Variants in HSF4 observed in about 807,000 individuals in gnomAD.
HSF4 encodes the protein heat shock factor protein 4.
Under a neutral mutation model 52.0 loss-of-function variants are expected in HSF4, and 41 were observed. The observed-to-expected ratio is 0.79, with a 90% CI of 0.61 to 1.02. The LOEUF (loss-of-function observed/expected upper bound fraction) is 1.02. HSF4 is among the 50% of genes least tolerant of loss of function. HSF4 has a pLI of 0.00. For synonymous variants in HSF4, 285 were observed against 273.0 expected, an observed-to-expected ratio of 1.04 and a Z score of -0.43; for missense variants, 610 against 651.1, an observed-to-expected ratio of 0.94 and a Z score of 0.69.
upstream of HSF4, chr16:67,164,382 C>G (rs909444550): frequency 2.4e-6 from 1 of 412,666 alleles, no homozygotes; most frequent in Admixed American, 2.6e-5. Context: ...CCCTGCCCCC[C>G]CTTCCTATCT....
Position 67,169,869 on chromosome 16 carries a change from G to A in HSF4, c.*84G>A, listed in dbSNP as rs2031627530. ...TCCTGGCGCCCCCTATCGGGGGTGA[G>A]CGAAGCCCCCACTACTAAATGGCCT... is the stretch of plus-strand genomic sequence containing the variant. On this transcript the variant is annotated 3_prime_UTR_variant, in exon 13 of 13. Coordinates refer to ENST00000521374, the MANE Select transcript of HSF4 (RefSeq NM_001374675.1). The surrounding 1 kb of genome is among the most constrained non-coding windows in gnomAD (Gnocchi z 4.3). 6.9e-7 allele frequency: 1 copy of A among 1,458,202 alleles called. No homozygotes were observed. Among genetic ancestry groups the A allele is most frequent in the Non-Finnish European group, 9.6e-7 (1 of 1,042,306 alleles). The allele number at this position is 1,458,202 out of a possible 1,614,324, so 90.3% of individuals were successfully genotyped here.
upstream of HSF4, chr16:67,164,586 CCTCCACTCCA>C (rs748286546): frequency 1.7e-5 from 9 of 522,120 alleles, no homozygotes; most frequent in African/African-American, 5.9e-5. Context: ...CCACCCCACC[CCTCCACTCCA>C]CTCCACTCCA....
chr16:67,165,817 G>C lies in HSF4; in HGVS notation c.331G>C (p.Glu111Gln). ...GCACCCGAGCTTCGTGCGCGGCCGCGAGCAGCTACTGGAGCGCGTGCGGCG... is the reference window on the plus strand; with the variant it reads ...GCACCCGAGCTTCGTGCGCGGCCGCCAGCAGCTACTGGAGCGCGTGCGGCG... ...FQHPSFVRGR[E>Q]QLLERVRRKV... The change falls in exon 3 of 13, where the codon GAG becomes CAG. Residue 111 changes from glutamate (E) to glutamine (Q), a missense_variant. By Grantham distance (29) the Glu-to-Gln change is conservative (BLOSUM62 2). Transcript: ENST00000521374. The surrounding 1 kb of genome is among the most constrained non-coding windows in gnomAD (Gnocchi z 6.9). 6.2e-7 allele frequency: 1 copy of C among 1,607,478 alleles called. No homozygotes were observed.
chr16:67,165,906 G>T lies in HSF4; in HGVS notation c.361-40G>T. On this transcript the variant is annotated intron_variant, in intron 3 of 12. Transcript: ENST00000521374. The surrounding 1 kb of genome is among the most constrained non-coding windows in gnomAD (Gnocchi z 6.9). ...GAGGGGTGCTGGGACTGCCTGCCTT[G>T]CTCCTGCGACCCAGTCCCGACGGTG... 6.3e-7 allele frequency: 1 copy of T among 1,592,254 alleles called. No individual in the cohort carries two copies.
chr16:67,169,826 T>C lies in HSF4; in HGVS notation c.*41T>C, dbSNP rs562154482. The C allele has an allele frequency of 3.7e-6, 6 of 1,612,072 alleles. No individual in the cohort carries two copies. In the South Asian group the frequency reaches 4.4e-5, roughly 12 times the overall value. ...AAGGGGCTTGGAACCAGTCCGCCGC[T>C]GCACATCCTTCTTGGCTTCCTGGCG... On this transcript the variant is annotated 3_prime_UTR_variant, in exon 13 of 13. Coordinates refer to ENST00000521374, the MANE Select transcript of HSF4 (RefSeq NM_001374675.1). The surrounding 1 kb of genome is among the most constrained non-coding windows in gnomAD (Gnocchi z 4.3).
Position 67,169,895 on chromosome 16 carries a change from C to T in HSF4, c.*110C>T. 1 of 1,098,348 alleles carries T rather than the reference C, an allele frequency of 9.1e-7. No individual in the cohort carries two copies. Among genetic ancestry groups the T allele is most frequent in the Non-Finnish European group, 1.4e-6 (1 of 721,406 alleles). The allele number at this position is 1,098,348 out of a possible 1,614,324, so 68.0% of individuals were successfully genotyped here. On this transcript the variant is annotated 3_prime_UTR_variant, in exon 13 of 13. Transcript: ENST00000521374. This position sits in a 1 kb window ranked among gnomAD's most constrained non-coding sequence, Gnocchi z 4.3. ...CGAAGCCCCCACTACTAAATGGCCT[C>T]TCTCCACTACCCCGACTATCCCTGC...
Position 67,165,420 on chromosome 16 carries a change from C to T in HSF4, c.124-102C>T. 6 of 1,063,730 alleles carry T rather than the reference C, an allele frequency of 5.6e-6. No individual in the cohort carries two copies. Among genetic ancestry groups the T allele is most frequent in the Non-Finnish European group, 8.7e-6 (6 of 686,462 alleles). 65.9% of individuals were successfully genotyped at this position (1,063,730 alleles called of 1,614,324 possible). A position where few individuals can be genotyped will look rare whatever the true frequency, so the allele number is the denominator to read the frequency against. On this transcript the variant is annotated intron_variant, in intron 1 of 12. Coordinates refer to ENST00000521374, the MANE Select transcript of HSF4 (RefSeq NM_001374675.1). This position sits in a 1 kb window ranked among gnomAD's most constrained non-coding sequence, Gnocchi z 6.9. ...CGGCAGGCCTGGACCCAAGAGTGAG[C>T]ATGAGTGTGTGCGCGCGCTGGAGCG...
chr16:67,165,780 C>T lies in HSF4; in HGVS notation c.294C>T (p.His98=). 6.2e-7 allele frequency: 1 copy of T among 1,610,190 alleles called. No individual in the cohort carries two copies. The highest frequency in any genetic ancestry group is 8.5e-7 in the Non-Finnish European group (1 of 1,179,656). ...GCCTGCTTAGGCCGGAGCGCGACCA[C>T]GTCGAGTTCCAGCACCCGAGCTTCG... The part of the protein sequence containing the change: ...QGGLLRPERD[H]VEFQHPSFVR... The change falls in exon 3 of 13, where the codon CAC becomes CAT. Residue 98 remains histidine, a synonymous_variant. Coordinates refer to ENST00000521374, the MANE Select transcript of HSF4 (RefSeq NM_001374675.1). The surrounding 1 kb of genome is among the most constrained non-coding windows in gnomAD (Gnocchi z 6.9).
chr16:67,164,402 G>T (rs761796653), upstream of HSF4: 12 of 440,126 alleles, frequency 2.7e-5, no homozygotes, highest in Admixed American at 2.5e-4. Flanking sequence ...TGCTTGCCCT[G>T]CCTGGGGCTT....
At chr16:67,167,081 C>T in intron 6 of HSF4, 39 bp from the exon 7 acceptor site, 2 of 1,613,732 alleles carry the variant, frequency 1.2e-6, no homozygotes, top group Non-Finnish European at 1.7e-6. Flanking sequence ...GGGGGCTGAC[C>T]CTGCCCCACC....
chr16:67,163,877 G>GT (rs372998678), upstream of HSF4: 24 of 1,527,446 alleles, frequency 1.6e-5, no homozygotes, highest in Admixed American at 1.6e-4. Flanking sequence ...AGGGAACGGG[G>GT]GGGGTGTCCA....
upstream of HSF4, chr16:67,164,458 C>A (rs886052214): frequency 1.9e-6 from 1 of 516,096 alleles, no homozygotes; most frequent in Non-Finnish European, 3.8e-6. Flanking sequence ...CCAGCCCACA[C>A]CAGGTCGCGC....
At chr16:67,163,945 G>A (rs2031053449), upstream of HSF4, 2 of 1,422,314 alleles carry the variant, frequency 1.4e-6, no homozygotes, top group South Asian at 1.2e-5. Flanking sequence ...GGTCTTTACC[G>A]AGTTGGGAAC....
In HSF4 at chr16:67,167,857, C is replaced by A. The variant is rs765383804; in HGVS notation, c.992C>A (p.Ala331Asp). 6.2e-7 allele frequency: 1 copy of A among 1,605,354 alleles called. No individual in the cohort carries two copies. Among genetic ancestry groups the A allele is most frequent in the Non-Finnish European group, 8.5e-7 (1 of 1,176,740 alleles). The change falls in exon 9 of 13, where the codon GCC (alanine) becomes GAC (aspartate). Residue 331 changes from alanine (A) to aspartate (D), a missense_variant. Coordinates refer to ENST00000521374, the MANE Select transcript of HSF4 (RefSeq NM_001374675.1). ...CCACTGCCTGTGGCTGTGGTGCAGG[C>A]CATCCTGGAAGGGAAAGGGAGCTTC... ...PPPLPVAVVQ[A>D]ILEGKGSFSP...
In HSF4 at chr16:67,165,693, C is replaced by T; in HGVS notation, c.233-26C>T. 4.3e-6 allele frequency: 7 copies of T among 1,611,670 alleles called. No individual in the cohort carries two copies. The highest frequency in any genetic ancestry group is 5.9e-6 in the Non-Finnish European group (7 of 1,179,656). On this transcript the variant is annotated intron_variant, in intron 2 of 12. Transcript: ENST00000521374. This position sits in a 1 kb window ranked among gnomAD's most constrained non-coding sequence, Gnocchi z 6.9. Reference sequence around the variant, plus strand: ...GACTCGGTGCCGGGGATGGGGCGACCCACGCCCCCACGCCCCACTCCCCAG... The same window carrying T: ...GACTCGGTGCCGGGGATGGGGCGACTCACGCCCCCACGCCCCACTCCCCAG...
chr16:67,164,459 C>CA, upstream of HSF4: 1 of 517,934 alleles, frequency 1.9e-6, no homozygotes, highest in Middle Eastern at 2.9e-4. Context: ...CAGCCCACAC[C>CA]AGGTCGCGCA....
chr16:67,169,933 T>TA lies in HSF4; in HGVS notation c.*148_*149insA, dbSNP rs2031632483. 1.9e-6 allele frequency: 1 copy of TA among 513,390 alleles called. No homozygotes were observed. Among genetic ancestry groups the TA allele is most frequent in the African/African-American group, 2.2e-5 (1 of 44,586 alleles). 31.8% of individuals were successfully genotyped at this position (513,390 alleles called of 1,614,324 possible). ...CGACTATCCCTGCACATAAACTCCGTTTTTTTTTTTTCTGTTTCTGGTCTC... is the reference window on the plus strand; with the variant it reads ...CGACTATCCCTGCACATAAACTCCGTATTTTTTTTTTTCTGTTTCTGGTCTC... On this transcript the variant is annotated 3_prime_UTR_variant, in exon 13 of 13. Transcript: ENST00000521374. This position sits in a 1 kb window ranked among gnomAD's most constrained non-coding sequence, Gnocchi z 4.3.
chr16:67,169,726 A>G lies in HSF4; in HGVS notation c.1420A>G (p.Ser474Gly), dbSNP rs2031615520. ...LGLPGALTIY[S>G]TPESRTASYL... ...CCTGCCTGGGGCTTTAACCATTTAT[A>G]GCACTCCTGAGAGCCGGACTGCCTC... Residue 474 changes from serine to glycine, a missense_variant, in exon 13 of 13, where the codon AGC becomes GGC. Physicochemically the swap from Ser to Gly is moderately conservative, Grantham distance 56. Transcript: ENST00000521374. The surrounding 1 kb of genome is among the most constrained non-coding windows in gnomAD (Gnocchi z 4.3). 6.2e-7 allele frequency: 1 copy of G among 1,613,060 alleles called. No homozygotes were observed.
In HSF4 at chr16:67,169,592, G is replaced by C; in HGVS notation, c.1325-39G>C. ...TCTCCTTCCCTGAAGAAAGGAGGGG[G>C]AACATTTCCCCTGGTGAGCGCAGTC... is the stretch of plus-strand genomic sequence containing the variant. On this transcript the variant is annotated intron_variant, in intron 12 of 12. Coordinates refer to ENST00000521374, the MANE Select transcript of HSF4 (RefSeq NM_001374675.1). This position sits in a 1 kb window ranked among gnomAD's most constrained non-coding sequence, Gnocchi z 4.3. 1 of 1,601,384 alleles carries C rather than the reference G, an allele frequency of 6.2e-7. No homozygotes were observed. The highest frequency in any genetic ancestry group is 8.5e-7 in the Non-Finnish European group (1 of 1,179,718).
Sources: gnomAD v4.1 joint callset for allele counts on GRCh38, gnomAD v4.1.1 for gene constraint, Gnocchi (gnomAD v3.1) non-coding constraint, MANE v1.5 for transcripts, NCBI Gene and HGNC (gene_info 2026-07-23, HGNC 2026-07-21) for gene names.